Variants in ADGRG2 observed in about 807,000 individuals in gnomAD.
ADGRG2 encodes the protein adhesion G protein-coupled receptor G2.
A neutral mutation model predicts 74.1 loss-of-function variants in ADGRG2; 26 were observed. That is an observed-to-expected ratio of 0.35 (90% CI 0.26 to 0.49). ADGRG2 has a LOEUF of 0.49. Ranked by LOEUF, ADGRG2 falls within the 20% of genes least tolerant of loss-of-function variation. The probability of loss-of-function intolerance (pLI) is 0.99; values close to 1 mark genes in which losing one functional copy is unlikely to be tolerated. For synonymous variants in ADGRG2, 296 were observed against 295.2 expected (o/e 1.00, Z -0.03); for missense variants, 619 against 763.1 (o/e 0.81, Z 2.22).
At chrX:19,088,638 C>T (rs1273050197) in intron 1 of ADGRG2, among the ~76,000 whole-genome samples, 1 of 111,003 alleles carries the variant, frequency 9.0e-6, no homozygotes, top group African/African-American at 3.3e-5. Flanking sequence ...CAGACACATG[C>T]CACCACACCC....
intron 4 of ADGRG2, 77 bp from the exon 5 acceptor site, chrX:19,037,713 A>T: frequency 1.4e-6 from 1 of 736,695 alleles, no homozygotes; most frequent in Non-Finnish European, 2.0e-6. Flanking sequence ...AACTTTTGAG[A>T]TATAATTACG....
rs1487903172 is a variant in ADGRG2 at position 19,031,000 on chromosome X, A to C, written c.342T>G (p.Ser114=). The C allele has an allele frequency of 8.4e-7, 1 of 1,192,225 alleles. No homozygotes were observed. Among genetic ancestry groups the C allele is most frequent in the South Asian group, 1.8e-5 (1 of 56,337 alleles). Residue 114 remains serine (S), a synonymous_variant, in exon 9 of 29, where the codon TCT becomes TCG. Transcript: ENST00000379869. ...KPQRNICNLS[S]ICNDSAFFRG... Reference sequence around the variant, plus strand: ...AGAACTAACCTGAGTCATTGCAAATAGATGACAAATTGCAGATATTTCTCT... The same window carrying C: ...AGAACTAACCTGAGTCATTGCAAATCGATGACAAATTGCAGATATTTCTCT...
intron 1 of ADGRG2, among the ~76,000 whole-genome samples, chrX:19,117,664 A>G (rs896694740): frequency 9.1e-6 from 1 of 110,347 alleles, no homozygotes; most frequent in Non-Finnish European, 1.9e-5. Flanking sequence ...TAAAAATACA[A>G]AAATTAGCCA....
intron 1 of ADGRG2, among the ~76,000 whole-genome samples, chrX:19,094,066 T>C (rs1203256690): frequency 9.0e-6 from 1 of 111,583 alleles, no homozygotes; most frequent in Non-Finnish European, 1.9e-5. Context: ...TTACTTATAA[T>C]TGGGAGGTAA....
chrX:19,074,562 C>CTTTTTTTT (rs1212446647), intron 2 of ADGRG2, among the ~76,000 whole-genome samples: 2 of 67,230 alleles, frequency 3.0e-5, no homozygotes, highest in Non-Finnish European at 2.6e-5. Flanking sequence ...TCTTCTTCTT[C>CTTTTTTTT]TTTTTTTTTT....
intron 13 of ADGRG2, among the ~76,000 whole-genome samples, chrX:19,021,791 C>T (rs1295562233): frequency 1.5e-4 from 17 of 110,093 alleles, no homozygotes; most frequent in Non-Finnish European, 3.0e-4. Context: ...GGGATTACAG[C>T]CGTGTATCAC....
intron 1 of ADGRG2, among the ~76,000 whole-genome samples, chrX:19,086,263 C>A (rs1369329183): frequency 9.0e-6 from 1 of 110,836 alleles, no homozygotes; most frequent in Admixed American, 9.7e-5. Flanking sequence ...AGGGAAAGGG[C>A]AAGTCACAAA....
At position 19,014,136 on chromosome X, in the gene ADGRG2, T is replaced by C. The variant is rs1027143831; in HGVS notation, c.711-62A>G. The C allele has an allele frequency of 1.2e-5, 11 of 923,507 alleles. No homozygotes were observed. The East Asian group carries it at 3.3e-4, about 28-fold the overall frequency. 76.1% of individuals were successfully genotyped at this position (923,507 alleles called of 1,213,427 possible). On this transcript the variant is annotated intron_variant, in intron 15 of 28. Transcript: ENST00000379869. Reference sequence around the variant, plus strand: ...GAATGAGCTACAGAGGGGGCAAGTCTTTCCCCTCTGGCAATCATCTGACAC... The same window carrying C: ...GAATGAGCTACAGAGGGGGCAAGTCCTTCCCCTCTGGCAATCATCTGACAC...
chrX:19,077,268 G>A (rs2061764108), intron 2 of ADGRG2, among the ~76,000 whole-genome samples: 1 of 106,067 alleles, frequency 9.4e-6, no homozygotes, highest in South Asian at 4.3e-4. Flanking sequence ...AGGCCGAAGC[G>A]GGTGGATCAC....
chrX:19,105,247 G>A (rs188307375), intron 1 of ADGRG2, among the ~76,000 whole-genome samples: 2 of 111,839 alleles, frequency 1.8e-5, no homozygotes, highest in African/African-American at 6.5e-5. Context: ...CCATGAAAGT[G>A]GATCCAATGT....
chrX:19,054,521 TA>T (rs1168663306), intron 3 of ADGRG2, among the ~76,000 whole-genome samples: 1 of 112,227 alleles, frequency 8.9e-6, no homozygotes, highest in Non-Finnish European at 1.9e-5. Context: ...AAAGTACTCC[TA>T]ATCTTACCAC....
At chrX:19,078,487 G>T (rs1165155271) in intron 2 of ADGRG2, among the ~76,000 whole-genome samples, 1 of 111,065 alleles carries the variant, frequency 9.0e-6, no homozygotes, top group Non-Finnish European at 1.9e-5. Flanking sequence ...AGGCAAGGAG[G>T]TAGAGGCTGT....
intron 1 of ADGRG2, among the ~76,000 whole-genome samples, chrX:19,088,452 A>C (rs1339071437): frequency 8.9e-6 from 1 of 111,948 alleles, no homozygotes; most frequent in Non-Finnish European, 1.9e-5. Flanking sequence ...CTATGTTTTG[A>C]TATTTTCTTT....
chrX:19,120,139 G>T (rs2062587226), intron 1 of ADGRG2, among the ~76,000 whole-genome samples: 2 of 111,190 alleles, frequency 1.8e-5, no homozygotes, highest in South Asian at 7.6e-4. Context: ...AAGCAGAAGG[G>T]AATCCGATCC....
chrX:19,012,091 C>G (rs1166251656), intron 16 of ADGRG2, among the ~76,000 whole-genome samples: 1 of 111,795 alleles, frequency 8.9e-6, no homozygotes, highest in Non-Finnish European at 1.9e-5. Flanking sequence ...TTGAAAATGC[C>G]CCCAAGTTTC....
intron 14 of ADGRG2, among the ~76,000 whole-genome samples, 164 bp downstream of exon 14, chrX:19,020,940 C>T (rs1191329132): frequency 1.9e-5 from 2 of 104,047 alleles, no homozygotes; most frequent in Admixed American, 1.1e-4. Flanking sequence ...TGGTGACAGA[C>T]TGAGACTCTG....
chrX:19,017,581 G>A (rs924118362), intron 15 of ADGRG2, among the ~76,000 whole-genome samples: 15 of 111,772 alleles, frequency 1.3e-4, no homozygotes, highest in African/African-American at 4.9e-4. Flanking sequence ...AGCTTAATGG[G>A]GCATGTGAAG....
At chrX:19,015,914 G>A (rs1411614637) in intron 15 of ADGRG2, among the ~76,000 whole-genome samples, 1 of 112,235 alleles carries the variant, frequency 8.9e-6, no homozygotes, top group Non-Finnish European at 1.9e-5. Context: ...GGGGCCTTCA[G>A]AAGGCCCCGT....
chrX:19,001,221 C>T (rs1018710756), intron 24 of ADGRG2, among the ~76,000 whole-genome samples: 1 of 110,752 alleles, frequency 9.0e-6, no homozygotes, highest in African/African-American at 3.3e-5. Flanking sequence ...TGAGAGCCCA[C>T]GGACACTTCC....
Sources: allele counts gnomAD v4.1 joint callset (sites outside exome capture counted in the v4.1 genomes callset), GRCh38; gene constraint gnomAD v4.1.1; transcripts MANE v1.5; gene names NCBI Gene and HGNC (gene_info 2026-07-23, HGNC 2026-07-21).